Variants in NIPBL observed in about 807,000 individuals in gnomAD.
NIPBL encodes the protein NIPBL cohesin loading factor.
In NIPBL, 19 loss-of-function variants were observed where a neutral mutation model predicts 321.8. That is an observed-to-expected ratio of 0.06 (90% CI 0.04 to 0.09). The LOEUF is 0.09. NIPBL is among the 10% of genes least tolerant of loss of function. The pLI is 1.00. For missense variants in NIPBL, 2,210 were observed against 3,327.0 expected, an observed-to-expected ratio of 0.66 and a Z score of 8.26; for synonymous variants, 1,106 against 1,114.1, an observed-to-expected ratio of 0.99 and a Z score of 0.14.
intron 8 of NIPBL, among the ~76,000 whole-genome samples, chr5:36,973,298 C>T (rs1200990766): frequency 6.7e-6 from 1 of 149,728 alleles, no homozygotes; most frequent in Non-Finnish European, 1.5e-5. Context: ...TGATTGTGTT[C>T]GTACTATTTA....
chr5:36,947,242 C>T (rs1415734363), intron 1 of NIPBL, among the ~76,000 whole-genome samples: 1 of 152,026 alleles, frequency 6.6e-6, no homozygotes, highest in African/African-American at 2.4e-5. Context: ...ATAGTTCAGA[C>T]TACTTTTGTC....
intron 1 of NIPBL, among the ~76,000 whole-genome samples, chr5:36,909,076 G>C (rs1460760203): frequency 6.6e-6 from 1 of 152,042 alleles, no homozygotes; most frequent in Non-Finnish European, 1.5e-5. Flanking sequence ...CCATATGTTG[G>C]GTGAGAGCTG....
At chr5:36,959,133 G>A (rs1741314868) in intron 4 of NIPBL, among the ~76,000 whole-genome samples, 2 of 152,194 alleles carry the variant, frequency 1.3e-5, no homozygotes, top group South Asian at 4.1e-4. Context: ...CTTGAGCTCA[G>A]GAGGTCAAGG....
intron 9 of NIPBL, among the ~76,000 whole-genome samples, chr5:36,982,399 G>A (rs1362249067): frequency 3.3e-5 from 5 of 151,684 alleles, no homozygotes; most frequent in Non-Finnish European, 5.9e-5. Context: ...CAGACCAAGT[G>A]AATCAGAACA....
intron 1 of NIPBL, among the ~76,000 whole-genome samples, chr5:36,950,155 CTA>C (rs1740111390): frequency 6.6e-6 from 1 of 151,972 alleles, no homozygotes; most frequent in Non-Finnish European, 1.5e-5. Context: ...AGGCCCAAGA[CTA>C]TGACTTTTAA....
intron 9 of NIPBL, among the ~76,000 whole-genome samples, chr5:36,980,033 A>G (rs541229538): frequency 1.6e-3 from 249 of 151,660 alleles, no homozygotes; most frequent in African/African-American, 5.5e-3. Flanking sequence ...CCTTTTTTTT[A>G]TGTATCATGT....
chr5:36,917,483 T>G (rs936127548), intron 1 of NIPBL, among the ~76,000 whole-genome samples: 1 of 152,114 alleles, frequency 6.6e-6, no homozygotes, highest in Non-Finnish European at 1.5e-5. Flanking sequence ...GCAGAAGCTC[T>G]TTAATTAGAT....
chr5:36,962,861 T>C (rs909160025), intron 6 of NIPBL, among the ~76,000 whole-genome samples: 5 of 152,182 alleles, frequency 3.3e-5, no homozygotes, highest in Admixed American at 6.5e-5. Context: ...TAGGGCTATA[T>C]GCAAGTACTA....
intron 43 of NIPBL, among the ~76,000 whole-genome samples, chr5:37,057,861 A>G (rs1754270339): frequency 6.6e-6 from 1 of 152,146 alleles, no homozygotes; most frequent in Non-Finnish European, 1.5e-5. Flanking sequence ...GAGGAATGTA[A>G]TTTATTTAAT....
rs748215385 is a variant in NIPBL, at chr5:36,975,865, G to C, written c.958G>C (p.Glu320Gln). The C allele has an allele frequency of 1.2e-6, 2 of 1,611,810 alleles. No homozygotes were observed. The highest frequency in any genetic ancestry group is 1.7e-6 in the Non-Finnish European group (2 of 1,179,370). The change falls in exon 9 of 47, where the codon GAA becomes CAA. Residue 320 changes from glutamate to glutamine, a missense_variant. By Grantham distance (29) the Glu-to-Gln change is conservative. Transcript: ENST00000282516. ...VPPDILLDSP[E>Q]RKQKKQKKMK... Reference sequence around the variant, plus strand: ...ACCAGATATCTTGCTAGATTCTCCAGAAAGAAAACAAAAGAAGCAGAAGAA... The same window carrying C: ...ACCAGATATCTTGCTAGATTCTCCACAAAGAAAACAAAAGAAGCAGAAGAA...
chr5:36,964,248 CAG>C (rs777838714), intron 6 of NIPBL, among the ~76,000 whole-genome samples: 1 of 151,854 alleles, frequency 6.6e-6, no homozygotes, highest in Non-Finnish European at 1.5e-5. Flanking sequence ...TTCACATAAA[CAG>C]AAAAAATTTA....
chr5:37,011,035 A>C (rs1433860678), intron 21 of NIPBL, among the ~76,000 whole-genome samples: 1 of 152,218 alleles, frequency 6.6e-6, no homozygotes, highest in Non-Finnish European at 1.5e-5. Flanking sequence ...ATAGGATTAT[A>C]ATTAACATTA....
chr5:36,988,329 T>A (rs758941067), intron 10 of NIPBL, among the ~76,000 whole-genome samples: 9 of 152,152 alleles, frequency 5.9e-5, no homozygotes, highest in Non-Finnish European at 7.4e-5. Context: ...TAGAGTGATG[T>A]GTGTGTATGT....
In NIPBL at chr5:36,971,928, G is replaced by C; in HGVS notation, c.772-17G>C. 6.2e-7 allele frequency: 1 copy of C among 1,602,630 alleles called. No homozygotes were observed. Among genetic ancestry groups the C allele is most frequent in the Non-Finnish European group, 8.5e-7 (1 of 1,170,254 alleles). On this transcript the variant is annotated splice_polypyrimidine_tract_variant and intron_variant, in intron 7 of 46. Coordinates refer to ENST00000282516, the MANE Select transcript of NIPBL (RefSeq NM_133433.4). ...TCTCCTGTCATTCAAAAGATAAATT[G>C]TATACTCTATTTTTAGGATGGAGAT...
intron 9 of NIPBL, chr5:36,982,128 G>C (rs1192773019): frequency 1.7e-6 from 1 of 600,832 alleles, no homozygotes; most frequent in Non-Finnish European, 2.1e-6. Context: ...TGTTGGTTTT[G>C]AGATTATGAT....
At chr5:36,952,053 T>TGTGCGCGCGC (rs778597604) in intron 1 of NIPBL, among the ~76,000 whole-genome samples, 183 of 112,196 alleles carry the variant, frequency 1.6e-3, no homozygotes, top group Middle Eastern at 5.7e-3. Flanking sequence ...TGTGTGTGTG[T>TGTGCGCGCGC]GCGCGCGCGC....
In NIPBL at chr5:37,003,363, A is replaced by G. The variant is rs1378633383; in HGVS notation, c.3855+16A>G. On this transcript the variant is annotated intron_variant, in intron 16 of 46. Transcript: ENST00000282516. ...GTTAAATCATGTAAGTTTAAGATCCATACTGTTAATTTTACCCTTAATGTT... is the reference window on the plus strand; with the variant it reads ...GTTAAATCATGTAAGTTTAAGATCCGTACTGTTAATTTTACCCTTAATGTT... 2.8e-6 allele frequency: 4 copies of G among 1,451,636 alleles called. No individual in the cohort carries two copies. Among genetic ancestry groups the G allele is most frequent in the Non-Finnish European group, 3.9e-6 (4 of 1,033,646 alleles). The allele number at this position is 1,451,636 out of a possible 1,614,324, so 89.9% of individuals were successfully genotyped here.
chr5:36,976,935 C>T (rs1445389088), intron 9 of NIPBL, among the ~76,000 whole-genome samples: 1 of 151,904 alleles, frequency 6.6e-6, no homozygotes, highest in Non-Finnish European at 1.5e-5. Flanking sequence ...AATAGCAAAC[C>T]TTAGAAATTA....
In NIPBL at chr5:37,063,908, A is replaced by G. The variant is rs1262852273; in HGVS notation, c.7979A>G (p.Lys2660Arg). The G allele has an allele frequency of 6.2e-7, 1 of 1,614,036 alleles. No homozygotes were observed. Among genetic ancestry groups the G allele is most frequent in the Admixed American group, 1.7e-5 (1 of 59,990 alleles). Residue 2660 changes from lysine (K) to arginine (R), a missense_variant, in exon 46 of 47, where the codon AAA becomes AGA. Physicochemically the swap from Lys to Arg is conservative, Grantham distance 26. This residue lies in a region of NIPBL where 159 missense variants were observed against 319.2 expected (regional missense o/e 0.50). Coordinates refer to ENST00000282516, the MANE Select transcript of NIPBL (RefSeq NM_133433.4). ...TCACTGCTTGGAGGAGGCAGCCCTA[A>G]AAATAATACAGCAGCAGAGACAGAA... ...ITSLLGGGSP[K>R]NNTAAETEDD...
Sources: gnomAD v4.1 joint callset for allele counts (sites outside exome capture counted in the v4.1 genomes callset) on GRCh38, gnomAD v4.1.1 for gene constraint, gnomAD v4.1.1 regional missense constraint, MANE v1.5 for transcripts, NCBI Gene and HGNC (gene_info 2026-07-23, HGNC 2026-07-21) for gene names.